WWP1: variants seen among roughly 807,000 people sequenced by gnomAD.
WWP1 encodes NEDD4-like E3 ubiquitin-protein ligase WWP1.
A neutral mutation model predicts 130.6 loss-of-function variants in WWP1; 49 were observed. The observed-to-expected ratio is 0.38, with a 90% confidence interval of 0.30 to 0.48. WWP1 has a LOEUF of 0.48. Ranked by LOEUF, WWP1 falls within the 20% of genes least tolerant of loss-of-function variation. The pLI, the probability that WWP1 is intolerant of heterozygous loss-of-function variation, is 0.99. For missense variants in WWP1, 809 were observed against 1,100.6 expected, an observed-to-expected ratio of 0.74 and a Z score of 3.75; for synonymous variants, 332 against 367.8, an observed-to-expected ratio of 0.90 and a Z score of 1.11.
At chr8:86,360,696 G>A (rs1823540647) in intron 1 of WWP1, among the ~76,000 whole-genome samples, 1 of 152,244 alleles carries the variant, frequency 6.6e-6, no homozygotes, top group African/African-American at 2.4e-5. Context: ...TCTAGGAATA[G>A]AATGGTAAAT....
chr8:86,373,770 G>A (rs1449284800), intron 2 of WWP1, among the ~76,000 whole-genome samples: 23 of 152,066 alleles, frequency 1.5e-4, no homozygotes, highest in Admixed American at 1.5e-3. Flanking sequence ...CTTGTAGCAG[G>A]CCCAGTGCTT....
chr8:86,461,698 T>C, intron 23 of WWP1, 76 bp from the exon 24 acceptor site: 1 of 1,118,102 alleles, frequency 8.9e-7, no homozygotes, highest in African/African-American at 1.6e-5. Context: ...GTGCAACATG[T>C]TCTATTATTT....
chr8:86,450,153 A>G (rs571646008), intron 20 of WWP1, among the ~76,000 whole-genome samples: 1 of 152,216 alleles, frequency 6.6e-6, no homozygotes, highest in South Asian at 2.1e-4. Context: ...TGGCCTTTCA[A>G]ATTTACCCCC....
intron 2 of WWP1, among the ~76,000 whole-genome samples, chr8:86,371,474 C>G (rs986049344): frequency 3.3e-5 from 5 of 152,142 alleles, no homozygotes; most frequent in African/African-American, 1.2e-4. Flanking sequence ...TAAGAGCCAC[C>G]ACTGTTGCAT....
chr8:86,350,008 C>T (rs1822826853), intron 1 of WWP1, among the ~76,000 whole-genome samples: 1 of 152,014 alleles, frequency 6.6e-6, no homozygotes, highest in African/African-American at 2.4e-5. Context: ...CTCCAAGCCC[C>T]AATGGCATTT....
chr8:86,414,750 CT>C (rs1808787630), intron 9 of WWP1, among the ~76,000 whole-genome samples: 2 of 152,060 alleles, frequency 1.3e-5, no homozygotes, highest in Non-Finnish European at 2.9e-5. Flanking sequence ...TTTTAATTCA[CT>C]TTATATAGAG....
chr8:86,371,716 TTAAA>T (rs1357675453), intron 2 of WWP1, among the ~76,000 whole-genome samples: 1 of 152,258 alleles, frequency 6.6e-6, no homozygotes, highest in Non-Finnish European at 1.5e-5. Context: ...TATATGTAGT[TTAAA>T]TACTAATCTT....
At chr8:86,390,600 A>G (rs1807260885) in intron 5 of WWP1, among the ~76,000 whole-genome samples, 3 of 152,128 alleles carry the variant, frequency 2.0e-5, no homozygotes, top group South Asian at 4.1e-4. Flanking sequence ...AGGCTGAGGC[A>G]GGAGAATCAG....
intron 20 of WWP1, among the ~76,000 whole-genome samples, chr8:86,451,451 G>A (rs1280141614): frequency 1.3e-5 from 2 of 152,078 alleles, no homozygotes; most frequent in Non-Finnish European, 2.9e-5. Context: ...ACTGAGTAAG[G>A]TGTACTCTTA....
chr8:86,356,453 T>A (rs1020975656), intron 1 of WWP1, among the ~76,000 whole-genome samples: 1 of 150,946 alleles, frequency 6.6e-6, no homozygotes, highest in Admixed American at 6.6e-5. Flanking sequence ...ATATATATTT[T>A]TTTTTACTGT....
At chr8:86,451,273 G>A (rs552016485) in intron 20 of WWP1, among the ~76,000 whole-genome samples, 1 of 131,502 alleles carries the variant, frequency 7.6e-6, no homozygotes, top group African/African-American at 2.9e-5. Flanking sequence ...AAGCTTGCCC[G>A]ATAGAGGGAG....
chr8:86,452,529 C>T (rs945864268), intron 20 of WWP1, 30 bp from the exon 21 acceptor site: 3 of 1,565,440 alleles, frequency 1.9e-6, no homozygotes, highest in Admixed American at 1.9e-5. Flanking sequence ...ATATAAATTA[C>T]CTATTTTTAA....
At chr8:86,375,327 A>AC (rs1253640702) in intron 3 of WWP1, among the ~76,000 whole-genome samples, 1 of 152,006 alleles carries the variant, frequency 6.6e-6, no homozygotes, top group Non-Finnish European at 1.5e-5. Context: ...TTGTTTTATA[A>AC]CCTTGTAAGA....
chr8:86,432,240 C>G (rs532664316), intron 14 of WWP1, among the ~76,000 whole-genome samples: 1 of 152,110 alleles, frequency 6.6e-6, no homozygotes, highest in South Asian at 2.1e-4. Flanking sequence ...CAGATCTCTC[C>G]TTCATTCTTA....
chr8:86,365,524 A>G (rs1222240672), intron 1 of WWP1, among the ~76,000 whole-genome samples: 1 of 152,198 alleles, frequency 6.6e-6, no homozygotes, highest in Non-Finnish European at 1.5e-5. Context: ...TACTCTTCAA[A>G]TCACTGGAAT....
intron 17 of WWP1, among the ~76,000 whole-genome samples, chr8:86,441,064 T>A (rs1475524333): frequency 7.2e-5 from 11 of 152,252 alleles, no homozygotes; most frequent in Admixed American, 7.2e-4. Flanking sequence ...GAATTTTTCT[T>A]CCTTTTCTGC....
At chr8:86,463,431 C>A (rs1384542987) in intron 24 of WWP1, among the ~76,000 whole-genome samples, 2 of 151,934 alleles carry the variant, frequency 1.3e-5, no homozygotes, top group East Asian at 1.9e-4. Context: ...CTCAGCCTCT[C>A]GGGTAGCTGG....
intron 3 of WWP1, 128 bp from the exon 4 acceptor site, chr8:86,380,597 GT>G: frequency 9.4e-7 from 1 of 1,068,134 alleles, no homozygotes. Context: ...CTTTTGTATT[GT>G]TTCTTCATTC....
intron 5 of WWP1, among the ~76,000 whole-genome samples, chr8:86,384,611 G>A (rs539437879): frequency 6.6e-6 from 1 of 152,284 alleles, no homozygotes; most frequent in East Asian, 1.9e-4. Context: ...CTTTGATTCA[G>A]TCTCTTGGTT....
Sources: allele counts gnomAD v4.1 joint callset (sites outside exome capture counted in the v4.1 genomes callset), GRCh38; gene constraint gnomAD v4.1.1; transcripts MANE v1.5; gene names NCBI Gene and HGNC (gene_info 2026-07-23, HGNC 2026-07-21).